ATL1: variants seen among roughly 807,000 people sequenced by gnomAD.
The protein encoded by ATL1 is atlastin GTPase 1.
Under a neutral mutation model 75.5 loss-of-function variants are expected in ATL1, and 31 were observed. That is an observed-to-expected ratio of 0.41 (90% confidence interval 0.31 to 0.55). ATL1 has a LOEUF of 0.55. Ranked by LOEUF, ATL1 falls within the 20% of genes least tolerant of loss-of-function variation. ATL1 has a pLI of 0.27. For missense variants in ATL1, 405 were observed against 662.6 expected (o/e 0.61, Z 4.27); for synonymous variants, 226 against 233.3 (o/e 0.97, Z 0.28).
At position 50,560,478 on chromosome 14, in the gene ATL1, C is replaced by A. The variant is rs1386522405; in HGVS notation, c.34+179C>A. ...AGGAACCATGGCCGAGCGGTACCCG[C>A]GTCACCGAATCGCGCTGTCGGGGTG... is the stretch of plus-strand genomic sequence containing the variant. On this transcript the variant is annotated intron_variant, in intron 1 of 13. Transcript: ENST00000358385. 4 of 811,264 alleles carry A rather than the reference C, an allele frequency of 4.9e-6. No homozygotes were observed. In the South Asian group the frequency reaches 5.0e-5, roughly 10 times the overall value. The allele number at this position is 811,264 out of a possible 1,614,324, so 50.3% of individuals were successfully genotyped here. A position where few individuals can be genotyped will look rare whatever the true frequency, so the allele number is the denominator to read the frequency against.
At chr14:50,551,169 G>A (rs2038697528) in intron 1 of ATL1, among the ~76,000 whole-genome samples, 2 of 152,014 alleles carry the variant, frequency 1.3e-5, no homozygotes, top group Admixed American at 1.3e-4. Context: ...ATCCAAATAA[G>A]CTCAATTAGA....
chr14:50,583,516 AC>A (rs1023444771), intron 1 of ATL1, among the ~76,000 whole-genome samples: 5 of 152,134 alleles, frequency 3.3e-5, no homozygotes, highest in Non-Finnish European at 7.4e-5. Flanking sequence ...AATGTAATAA[AC>A]CTCTTCCTAC....
chr14:50,629,474 G>A (rs900227485), intron 12 of ATL1, among the ~76,000 whole-genome samples: 1 of 151,838 alleles, frequency 6.6e-6, no homozygotes, highest in Non-Finnish European at 1.5e-5. Context: ...CCAGCTACTC[G>A]GGAGGCTGAG....
At chr14:50,605,618 A>T (rs906505275) in intron 6 of ATL1, among the ~76,000 whole-genome samples, 1 of 152,006 alleles carries the variant, frequency 6.6e-6, no homozygotes, top group Non-Finnish European at 1.5e-5. Context: ...GTCTTCCAAA[A>T]TAGCCTTCTG....
At chr14:50,600,614 C>CA (rs746316334) in intron 6 of ATL1, among the ~76,000 whole-genome samples, 19 of 151,986 alleles carry the variant, frequency 1.3e-4, no homozygotes, top group Non-Finnish European at 5.9e-5. Flanking sequence ...AAAAGCATAG[C>CA]AAAAAATTGC....
intron 8 of ATL1, among the ~76,000 whole-genome samples, chr14:50,618,087 A>G (rs899784865): frequency 6.6e-6 from 1 of 152,200 alleles, no homozygotes; most frequent in African/African-American, 2.4e-5. Flanking sequence ...TTCCAATTGT[A>G]TAAGGAATGT....
intron 11 of ATL1, among the ~76,000 whole-genome samples, chr14:50,626,178 G>A (rs914580662): frequency 3.3e-5 from 5 of 152,202 alleles, no homozygotes; most frequent in Admixed American, 2.0e-4. Context: ...CAGGATCAAG[G>A]AGTAATTTTG....
chr14:50,630,960 T>C, intron 13 of ATL1: 1 of 455,540 alleles, frequency 2.2e-6, no homozygotes. Context: ...ACAGACGTAA[T>C]GCCATAAGAA....
chr14:50,587,321 C>G (rs1198226346), intron 1 of ATL1, among the ~76,000 whole-genome samples: 2 of 152,174 alleles, frequency 1.3e-5, no homozygotes, highest in Non-Finnish European at 2.9e-5. Flanking sequence ...GTCATATGAT[C>G]AGAAAGAACA....
chr14:50,597,134 TG>T (rs1178299548), intron 6 of ATL1, among the ~76,000 whole-genome samples: 5 of 144,116 alleles, frequency 3.5e-5, no homozygotes, highest in African/African-American at 1.3e-4. Context: ...CACTTGAACC[TG>T]GGAGTGGAGG....
chr14:50,605,371 A>G (rs12435812), intron 6 of ATL1, among the ~76,000 whole-genome samples: 1,694 of 151,980 alleles, frequency 0.011, 119 homozygotes, highest in Admixed American at 0.1. Flanking sequence ...CTATTTTGCT[A>G]ATTACCCAAG....
intron 1 of ATL1, among the ~76,000 whole-genome samples, chr14:50,560,726 C>T (rs1386552430): frequency 5.4e-5 from 8 of 149,276 alleles, no homozygotes; most frequent in African/African-American, 1.9e-4. Flanking sequence ...CAAGCCCCAA[C>T]CCCCCTCCCC....
intron 1 of ATL1, among the ~76,000 whole-genome samples, chr14:50,579,237 T>C (rs2039034630): frequency 6.6e-6 from 1 of 152,208 alleles, no homozygotes; most frequent in Non-Finnish European, 1.5e-5. Flanking sequence ...TTTAGCATCA[T>C]TTATTGAAAA....
rs73289858 is a variant in ATL1 at position 50,534,642 on chromosome 14, C to T, written c.-140+1275C>T. Among the ~76,000 whole-genome samples, 967 of 152,314 alleles carry T rather than the reference C, an allele frequency of 6.3e-3. 6 individuals are homozygous for T. Among genetic ancestry groups the T allele is most frequent in the African/African-American group, 0.022 (898 of 41,580 alleles). On this transcript the variant is annotated intron_variant, in intron 1 of 13. Transcript: ENST00000441560. ...AGATCCATATGCTTTGACCATCAAC[C>T]TAGAGGCAGATAGCATGGAAAAAGT... is the stretch of plus-strand genomic sequence containing the variant.
intron 6 of ATL1, among the ~76,000 whole-genome samples, chr14:50,606,058 T>G (rs1481354903): frequency 1.3e-5 from 2 of 151,980 alleles, no homozygotes; most frequent in Admixed American, 1.3e-4. Flanking sequence ...AGGGATGTAT[T>G]GAGTGGTAAA....
In ATL1 at chr14:50,632,665, G is replaced by C. The variant is rs1330847444; in HGVS notation, c.*326G>C. The C allele has an allele frequency of 4.5e-6, 1 of 224,550 alleles. No homozygotes were observed. Among genetic ancestry groups the C allele is most frequent in the Non-Finnish European group, 9.0e-6 (1 of 111,058 alleles). 13.9% of individuals were successfully genotyped at this position (224,550 alleles called of 1,614,324 possible). On this transcript the variant is annotated 3_prime_UTR_variant, in exon 14 of 14. Coordinates refer to ENST00000358385, the MANE Select transcript of ATL1 (RefSeq NM_015915.5). Reference sequence around the variant, plus strand: ...CTACTGGGTTATAATTAAATCATGTGATATTCCACGTTTGGATATGCTCAT... The same window carrying C: ...CTACTGGGTTATAATTAAATCATGTCATATTCCACGTTTGGATATGCTCAT...
chr14:50,614,550 C>A, intron 8 of ATL1, 39 bp downstream of exon 8: 1 of 1,603,780 alleles, frequency 6.2e-7, no homozygotes, highest in Non-Finnish European at 8.5e-7. Flanking sequence ...ATCACTTAGT[C>A]TGATTATAAA....
chr14:50,533,510 CTGA>C (rs1474870410), intron 1 of ATL1: 1 of 152,120 alleles, frequency 6.6e-6, no homozygotes, highest in Non-Finnish European at 1.5e-5. Flanking sequence ...AGTAATTTGG[CTGA>C]TATTTCACAA....
At chr14:50,624,475 G>A (rs559080874) in intron 11 of ATL1, among the ~76,000 whole-genome samples, 2 of 152,060 alleles carry the variant, frequency 1.3e-5, no homozygotes, top group African/African-American at 4.8e-5. Context: ...GAACTTAATC[G>A]ATAAATGTGT....
Sources: gnomAD v4.1 joint callset for allele counts (sites outside exome capture counted in the v4.1 genomes callset) on GRCh38, gnomAD v4.1.1 for gene constraint, MANE v1.5 for transcripts, NCBI Gene and HGNC (gene_info 2026-07-23, HGNC 2026-07-21) for gene names.